LNX1: variants seen among roughly 807,000 people sequenced by gnomAD.
LNX1 encodes the protein E3 ubiquitin-protein ligase LNX.
Under a neutral mutation model 68.4 loss-of-function variants are expected in LNX1, and 54 were observed. The observed-to-expected ratio is 0.79, with a 90% CI of 0.63 to 0.99. The LOEUF (loss-of-function observed/expected upper bound fraction) is 0.99, where lower values mean the gene tolerates loss of function less well. LNX1 is among the 50% of genes least tolerant of loss of function. The pLI is 0.00. For synonymous variants in LNX1, 336 were observed against 350.0 expected, an observed-to-expected ratio of 0.96 and a Z score of 0.45; for missense variants, 906 against 926.4, an observed-to-expected ratio of 0.98 and a Z score of 0.29.
At chr4:53,608,008 A>T (rs1733301161) in intron 2 of LNX1, among the ~76,000 whole-genome samples, 1 of 152,210 alleles carries the variant, frequency 6.6e-6, no homozygotes, top group Non-Finnish European at 1.5e-5. Flanking sequence ...TAAAACTTTA[A>T]AAACCCTGGG....
chr4:53,647,445 A>G (rs1734926853), intron 1 of LNX1, among the ~76,000 whole-genome samples: 1 of 152,154 alleles, frequency 6.6e-6, no homozygotes, highest in African/African-American at 2.4e-5. Flanking sequence ...TGATTTAACA[A>G]TGTCTCAGCC....
At chr4:53,571,032 A>G (rs1417918664) in intron 2 of LNX1, among the ~76,000 whole-genome samples, 1 of 151,936 alleles carries the variant, frequency 6.6e-6, no homozygotes, top group East Asian at 1.9e-4. Context: ...GTCTAAAAAA[A>G]AAAAAAAAGA....
At chr4:53,492,864 C>A (rs768525512) in intron 6 of LNX1, among the ~76,000 whole-genome samples, 1 of 152,088 alleles carries the variant, frequency 6.6e-6, no homozygotes. Context: ...GCCTTATCCA[C>A]AGGAAGATAT....
chr4:53,552,522 G>A (rs779765145), intron 2 of LNX1, among the ~76,000 whole-genome samples: 1 of 152,074 alleles, frequency 6.6e-6, no homozygotes, highest in Non-Finnish European at 1.5e-5. Flanking sequence ...TTTTTTCTTG[G>A]ATTTTTGTTA....
At chr4:53,552,616 A>C (rs868839260) in intron 2 of LNX1, among the ~76,000 whole-genome samples, 74 of 152,088 alleles carry the variant, frequency 4.9e-4, no homozygotes, top group Middle Eastern at 3.4e-3. Flanking sequence ...ATCACCTGAG[A>C]TCAGGAGTTC....
In LNX1 at chr4:53,485,299, A is replaced by G. The variant is rs116704069; in HGVS notation, c.1351-3445T>C. ...TTTGAAGGATCCCAGCAGAGTGTCC[A>G]TAGGCTTGCAAATTGTATCATGTTC... On this transcript the variant is annotated intron_variant, in intron 6 of 10. Transcript: ENST00000263925. Among the ~76,000 whole-genome samples, 1,478 of 152,326 alleles carry G rather than the reference A, an allele frequency of 9.7e-3. 22 individuals carry two copies. The highest frequency in any genetic ancestry group is 0.034 in the African/African-American group (1,415 of 41,574).
intron 2 of LNX1, among the ~76,000 whole-genome samples, chr4:53,550,952 C>G (rs1217448972): frequency 6.6e-6 from 1 of 152,142 alleles, no homozygotes; most frequent in Non-Finnish European, 1.5e-5. Context: ...GAACGCCCAG[C>G]TGGGTTTGAT....
chr4:53,494,760 G>T (rs1031728287), intron 6 of LNX1, among the ~76,000 whole-genome samples: 5 of 152,182 alleles, frequency 3.3e-5, no homozygotes, highest in African/African-American at 1.2e-4. Context: ...ACAGATATTT[G>T]CTGGATGAAG....
intron 6 of LNX1, among the ~76,000 whole-genome samples, chr4:53,494,953 T>C (rs1483844967): frequency 6.6e-6 from 1 of 152,206 alleles, no homozygotes; most frequent in Non-Finnish European, 1.5e-5. Context: ...TTCAAAATTA[T>C]AGAAATAGAA....
At chr4:53,492,506 T>TGAGAGAGAGAGAGAGACAGAGAGA (rs1724752557) in intron 6 of LNX1, among the ~76,000 whole-genome samples, 4 of 88,942 alleles carry the variant, frequency 4.5e-5, no homozygotes, top group Non-Finnish European at 9.0e-5. Context: ...CAGAGGGCTC[T>TGAGAGAGAGAGAGAGACAGAGAGA]GAGAGAGAGA....
intron 2 of LNX1, among the ~76,000 whole-genome samples, chr4:53,525,518 T>C (rs1727549728): frequency 6.6e-6 from 1 of 152,218 alleles, no homozygotes; most frequent in African/African-American, 2.4e-5. Flanking sequence ...GTTTCCTGCC[T>C]GGAATTCCAG....
intron 2 of LNX1, among the ~76,000 whole-genome samples, chr4:53,542,667 T>G (rs1163700747): frequency 6.6e-6 from 1 of 152,138 alleles, no homozygotes; most frequent in Admixed American, 6.5e-5. Context: ...GACAAAGACA[T>G]GAACAGACTG....
intron 2 of LNX1, among the ~76,000 whole-genome samples, chr4:53,546,486 C>T (rs1230453507): frequency 2.0e-5 from 3 of 152,168 alleles, no homozygotes; most frequent in Non-Finnish European, 2.9e-5. Context: ...TTCCTCAGGA[C>T]ACATATCATA....
chr4:53,473,747 C>T (rs1723386923), intron 9 of LNX1, among the ~76,000 whole-genome samples: 1 of 151,990 alleles, frequency 6.6e-6, no homozygotes, highest in Non-Finnish European at 1.5e-5. Flanking sequence ...TACAACAAAC[C>T]CCTGTGACAT....
In LNX1 at chr4:53,477,091, C is replaced by A. The variant is rs565453031; in HGVS notation, c.1664-110G>T. The A allele has an allele frequency of 3.3e-6, 3 of 914,792 alleles. No individual in the cohort carries two copies. The East Asian group carries it at 7.2e-5, about 22-fold the overall frequency. 56.7% of individuals were successfully genotyped at this position (914,792 alleles called of 1,614,324 possible). A position where few individuals can be genotyped will look rare whatever the true frequency, so the allele number is the denominator to read the frequency against. ...TGGGATTGCAGGGATGCAGAGAGGG[C>A]AAAGGTTTTCTTTGTTGACGGGAGG... On this transcript the variant is annotated intron_variant, in intron 8 of 10. Coordinates refer to ENST00000263925, the MANE Select transcript of LNX1 (RefSeq NM_001126328.3).
chr4:53,550,743 A>C (rs538141522), intron 2 of LNX1, among the ~76,000 whole-genome samples: 23 of 152,270 alleles, frequency 1.5e-4, no homozygotes, highest in Non-Finnish European at 2.5e-4. Context: ...GCACTTCCCC[A>C]GGTCCTGGAG....
intron 1 of LNX1, among the ~76,000 whole-genome samples, chr4:53,644,419 C>G (rs1734804928): frequency 6.6e-6 from 1 of 151,998 alleles, no homozygotes; most frequent in South Asian, 2.1e-4. Flanking sequence ...AACGAACAAA[C>G]AAAAACAAAA....
At chr4:53,533,125 C>T (rs1352821458) in intron 2 of LNX1, among the ~76,000 whole-genome samples, 2 of 152,222 alleles carry the variant, frequency 1.3e-5, no homozygotes, top group African/African-American at 2.4e-5. Context: ...TAATTGCCTT[C>T]TGGACAGCAC....
At chr4:53,565,178 C>T (rs1451723895) in intron 2 of LNX1, among the ~76,000 whole-genome samples, 1 of 152,144 alleles carries the variant, frequency 6.6e-6, no homozygotes, top group Non-Finnish European at 1.5e-5. Context: ...CCTCTGTAGG[C>T]TCCACCTCTG....
Sources: allele counts gnomAD v4.1 joint callset (sites outside exome capture counted in the v4.1 genomes callset), GRCh38; gene constraint gnomAD v4.1.1; transcripts MANE v1.5; gene names NCBI Gene and HGNC (gene_info 2026-07-23, HGNC 2026-07-21).